SGCZ: variants seen among roughly 807,000 people sequenced by gnomAD.
SGCZ encodes zeta-sarcoglycan.
SGCZ carries 40 observed loss-of-function variants against 41.3 expected under a neutral mutation model. The observed-to-expected ratio is 0.97, with a 90% CI of 0.75 to 1.26. SGCZ has a LOEUF of 1.26. Ranked by LOEUF, SGCZ falls within the 50% of genes most tolerant of loss-of-function variation. SGCZ has a pLI of 0.00. For synonymous variants in SGCZ, 206 were observed against 137.5 expected, an observed-to-expected ratio of 1.50 and a Z score of -3.49; for missense variants, 552 against 369.8, an observed-to-expected ratio of 1.49 and a Z score of -4.04.
At chr8:14,145,770 A>G (rs991922250) in intron 5 of SGCZ, among the ~76,000 whole-genome samples, 1 of 152,198 alleles carries the variant, frequency 6.6e-6, no homozygotes, top group Non-Finnish European at 1.5e-5. Flanking sequence ...ATTAAAAAGA[A>G]GCAGGAATCC....
chr8:14,961,393 A>G (rs1800962430), intron 1 of SGCZ, among the ~76,000 whole-genome samples: 1 of 152,136 alleles, frequency 6.6e-6, no homozygotes, highest in Non-Finnish European at 1.5e-5. Flanking sequence ...AGAGGAATAG[A>G]ATGTGTATTA....
intron 2 of SGCZ, among the ~76,000 whole-genome samples, chr8:14,329,770 G>C (rs878929141): frequency 6.6e-6 from 1 of 152,082 alleles, no homozygotes; most frequent in Non-Finnish European, 1.5e-5. Context: ...TGAATTTCTA[G>C]ATTTGCTAAG....
At chr8:14,092,753 C>G (rs1801727366) in intron 7 of SGCZ, among the ~76,000 whole-genome samples, 1 of 152,034 alleles carries the variant, frequency 6.6e-6, no homozygotes, top group Admixed American at 6.6e-5. Context: ...GCCTCCCCAG[C>G]CTCGTGGAAG....
chr8:14,405,461 A>G (rs933302458), intron 2 of SGCZ, among the ~76,000 whole-genome samples: 2 of 152,172 alleles, frequency 1.3e-5, no homozygotes, highest in African/African-American at 4.8e-5. Flanking sequence ...TTATACCTCA[A>G]TGTGCACATC....
chr8:14,697,368 A>C lies in SGCZ; in HGVS notation c.40-142442T>G, dbSNP rs373446227. On this transcript the variant is annotated intron_variant, in intron 1 of 7. Coordinates refer to ENST00000382080, the MANE Select transcript of SGCZ (RefSeq NM_139167.4). ...ATTAGATTGTTGAGGGGATTAAATG[A>C]AACAATTCACATCAGAACAGTCCCA... Among the ~76,000 whole-genome samples the C allele has an allele frequency of 4.6e-5, 7 of 152,032 alleles. No individual in the cohort carries two copies. The East Asian group carries it at 1.4e-3, about 29-fold the overall frequency.
chr8:14,576,109 C>A (rs990320539), intron 1 of SGCZ, among the ~76,000 whole-genome samples: 1 of 152,076 alleles, frequency 6.6e-6, no homozygotes, highest in African/African-American at 2.4e-5. Flanking sequence ...TAATGTATTT[C>A]CGGACAGTAA....
chr8:14,975,676 G>C (rs1801444656), intron 1 of SGCZ, among the ~76,000 whole-genome samples: 1 of 151,784 alleles, frequency 6.6e-6, no homozygotes, highest in Non-Finnish European at 1.5e-5. Flanking sequence ...CAATTACACA[G>C]CAGTGATTTC....
chr8:15,172,351 G>A (rs1799867420), intron 1 of SGCZ, among the ~76,000 whole-genome samples: 2 of 150,466 alleles, frequency 1.3e-5, no homozygotes, highest in African/African-American at 4.9e-5. Context: ...TAGTAGAGAC[G>A]GGGTTTCACC....
chr8:14,684,427 C>T (rs989473668), intron 1 of SGCZ, among the ~76,000 whole-genome samples: 1 of 152,146 alleles, frequency 6.6e-6, no homozygotes, highest in Non-Finnish European at 1.5e-5. Flanking sequence ...AGGAATTTCA[C>T]TAATATTTTT....
chr8:14,503,582 A>G (rs1802217791), intron 2 of SGCZ, among the ~76,000 whole-genome samples: 1 of 152,248 alleles, frequency 6.6e-6, no homozygotes, highest in Non-Finnish European at 1.5e-5. Context: ...ACCCTGGCCA[A>G]CATGCTAAGT....
intron 2 of SGCZ, among the ~76,000 whole-genome samples, chr8:14,439,561 A>G (rs1404297668): frequency 6.6e-6 from 1 of 151,894 alleles, no homozygotes; most frequent in Non-Finnish European, 1.5e-5. Flanking sequence ...GGAATTCGTA[A>G]TATATAAAAG....
intron 4 of SGCZ, among the ~76,000 whole-genome samples, chr8:14,229,241 G>A (rs1297117216): frequency 6.6e-6 from 1 of 152,026 alleles, no homozygotes; most frequent in African/African-American, 2.4e-5. Context: ...GCATCTCTGA[G>A]GCATTGGTAT....
intron 1 of SGCZ, among the ~76,000 whole-genome samples, chr8:15,043,420 T>C (rs752982659): frequency 3.3e-5 from 5 of 152,098 alleles, no homozygotes; most frequent in Non-Finnish European, 7.4e-5. Flanking sequence ...AGATGGCCCA[T>C]CAAATAGATA....
At chr8:14,856,973 G>A (rs932872752) in intron 1 of SGCZ, among the ~76,000 whole-genome samples, 4 of 152,152 alleles carry the variant, frequency 2.6e-5, no homozygotes, top group African/African-American at 9.7e-5. Flanking sequence ...AATCTGAAGT[G>A]GAATGGTAAC....
At chr8:14,185,134 G>A (rs1804860794) in intron 4 of SGCZ, among the ~76,000 whole-genome samples, 1 of 152,096 alleles carries the variant, frequency 6.6e-6, no homozygotes, top group Admixed American at 6.5e-5. Context: ...AGGCACGGTG[G>A]CTCACACCTG....
intron 3 of SGCZ, among the ~76,000 whole-genome samples, chr8:14,260,142 C>T (rs1171412884): frequency 6.6e-6 from 1 of 151,974 alleles, no homozygotes; most frequent in Non-Finnish European, 1.5e-5. Context: ...AAGAAACTAC[C>T]ATCAGAGTGA....
intron 1 of SGCZ, among the ~76,000 whole-genome samples, chr8:15,053,998 C>T (rs1189650272): frequency 6.6e-6 from 1 of 152,110 alleles, no homozygotes; most frequent in Non-Finnish European, 1.5e-5. Flanking sequence ...ATGAAACTAA[C>T]ATGACATATT....
intron 1 of SGCZ, among the ~76,000 whole-genome samples, chr8:14,608,917 A>T (rs140649923): frequency 6.6e-6 from 1 of 152,222 alleles, no homozygotes; most frequent in Admixed American, 6.5e-5. Flanking sequence ...TAGGCTTCTT[A>T]GGACAATTTA....
intron 1 of SGCZ, among the ~76,000 whole-genome samples, chr8:14,699,903 G>T (rs909103092): frequency 6.6e-6 from 1 of 151,974 alleles, no homozygotes; most frequent in Non-Finnish European, 1.5e-5. Context: ...ACTACAGTGA[G>T]ATACCACCTC....
Sources: allele counts gnomAD v4.1 joint callset (sites outside exome capture counted in the v4.1 genomes callset), GRCh38; gene constraint gnomAD v4.1.1; transcripts MANE v1.5; gene names NCBI Gene and HGNC (gene_info 2026-07-23, HGNC 2026-07-21).